Variants in GMDS observed in about 807,000 individuals in gnomAD.
GMDS encodes GDP-mannose 4,6-dehydratase.
In GMDS, 20 loss-of-function variants were observed where a neutral mutation model predicts 49.9. That is an observed-to-expected ratio of 0.40 (90% CI 0.28 to 0.58). GMDS has a LOEUF of 0.58. Among genes scored for constraint, GMDS ranks in the 20% least tolerant of loss-of-function variants. The pLI is 0.42. For synonymous variants in GMDS, 177 were observed against 178.6 expected (o/e 0.99, Z 0.07); for missense variants, 362 against 481.4 (o/e 0.75, Z 2.32).
At chr6:1,801,096 G>A (rs909948179) in intron 7 of GMDS, among the ~76,000 whole-genome samples, 1 of 152,158 alleles carries the variant, frequency 6.6e-6, no homozygotes, top group Non-Finnish European at 1.5e-5. Context: ...CCTGGAGCCC[G>A]GACCATGAGG....
intron 4 of GMDS, among the ~76,000 whole-genome samples, chr6:2,055,642 A>G (rs923677123): frequency 7.9e-5 from 12 of 151,906 alleles, no homozygotes; most frequent in Non-Finnish European, 1.0e-4. Flanking sequence ...ACTAAATTGG[A>G]CTCCCCTTGG....
chr6:1,922,804 C>T (rs192730307), intron 7 of GMDS, among the ~76,000 whole-genome samples: 80 of 152,276 alleles, frequency 5.3e-4, no homozygotes, highest in Non-Finnish European at 6.3e-4. Context: ...AGCTAGCTCC[C>T]GTCTCTGCTG....
At chr6:1,646,613 G>A (rs1435308773) in intron 9 of GMDS, among the ~76,000 whole-genome samples, 1 of 151,886 alleles carries the variant, frequency 6.6e-6, no homozygotes, top group Non-Finnish European at 1.5e-5. Context: ...CAAACTCCTG[G>A]GCTCAAGCAA....
intron 7 of GMDS, among the ~76,000 whole-genome samples, chr6:1,776,272 A>C (rs527534217): frequency 3.3e-5 from 5 of 152,386 alleles, no homozygotes; most frequent in African/African-American, 1.2e-4. Flanking sequence ...TCTTTGAACA[A>C]ACGATGCAAA....
chr6:1,629,558 C>A (rs987088575), intron 9 of GMDS, among the ~76,000 whole-genome samples: 1 of 152,108 alleles, frequency 6.6e-6, no homozygotes, highest in African/African-American at 2.4e-5. Context: ...AGGAGCAGGC[C>A]CTGCACCATG....
At chr6:1,659,686 G>C (rs897462477) in intron 9 of GMDS, among the ~76,000 whole-genome samples, 2 of 152,094 alleles carry the variant, frequency 1.3e-5, no homozygotes, top group Non-Finnish European at 2.9e-5. Context: ...CCCATATAGT[G>C]AATCTGTTTC....
chr6:2,057,350 A>C (rs534148368), intron 4 of GMDS, among the ~76,000 whole-genome samples: 2 of 152,328 alleles, frequency 1.3e-5, no homozygotes, highest in South Asian at 4.1e-4. Context: ...TAAATGAATG[A>C]ACAAATTCTT....
chr6:2,181,088 T>C (rs559865944), intron 1 of GMDS, among the ~76,000 whole-genome samples: 5 of 144,240 alleles, frequency 3.5e-5, no homozygotes, highest in Non-Finnish European at 7.4e-5. Flanking sequence ...GGCAGGAGAA[T>C]GGCATGAACC....
intron 4 of GMDS, among the ~76,000 whole-genome samples, chr6:2,114,977 A>C (rs967206896): frequency 3.3e-5 from 5 of 152,174 alleles, no homozygotes; most frequent in African/African-American, 1.2e-4. Context: ...ACAAACAAAA[A>C]AAAACCTCAT....
At chr6:1,768,512 C>T (rs1044630375) in intron 7 of GMDS, among the ~76,000 whole-genome samples, 10 of 152,316 alleles carry the variant, frequency 6.6e-5, no homozygotes, top group African/African-American at 1.9e-4. Context: ...GGAGGTACTA[C>T]GTTTACTCAT....
At chr6:1,966,387 C>T (rs200577554) in intron 4 of GMDS, among the ~76,000 whole-genome samples, 1 of 133,788 alleles carries the variant, frequency 7.5e-6, no homozygotes, top group Non-Finnish European at 1.6e-5. Flanking sequence ...AAAAAAAAAA[C>T]CAAGCCTACA....
intron 8 of GMDS, 88 bp from the exon 9 acceptor site, chr6:1,726,600 C>A: frequency 1.1e-6 from 1 of 925,918 alleles, no homozygotes; most frequent in Non-Finnish European, 1.8e-6. Context: ...CCAGCCCTCT[C>A]CCCGCAGGAG....
At chr6:2,196,974 C>T (rs1279540613) in intron 1 of GMDS, among the ~76,000 whole-genome samples, 1 of 152,086 alleles carries the variant, frequency 6.6e-6, no homozygotes, top group Non-Finnish European at 1.5e-5. Context: ...TGTCAAAAAG[C>T]CAGTGAAAAT....
At chr6:2,067,192 A>C (rs907028845) in intron 4 of GMDS, among the ~76,000 whole-genome samples, 2 of 152,002 alleles carry the variant, frequency 1.3e-5, no homozygotes, top group African/African-American at 4.8e-5. Context: ...TGAAGGCAGA[A>C]ATAAAGATGT....
intron 1 of GMDS, among the ~76,000 whole-genome samples, chr6:2,203,925 T>G (rs1779668423): frequency 6.6e-6 from 1 of 152,232 alleles, no homozygotes; most frequent in Non-Finnish European, 1.5e-5. Flanking sequence ...CATCAGCATT[T>G]AACGTTTTCC....
intron 6 of GMDS, 117 bp from the exon 7 acceptor site, chr6:1,930,347 C>G (rs1218266146): frequency 1.4e-6 from 1 of 696,806 alleles, no homozygotes; most frequent in African/African-American, 1.8e-5. Flanking sequence ...CTCCCAGCCA[C>G]CCTGTTAAAA....
At chr6:2,053,215 T>C (rs776919387) in intron 4 of GMDS, among the ~76,000 whole-genome samples, 2 of 152,200 alleles carry the variant, frequency 1.3e-5, no homozygotes, top group Non-Finnish European at 2.9e-5. Flanking sequence ...ATAGGCCTTA[T>C]ATAAAATGTA....
In GMDS at chr6:1,698,356, A is replaced by G. The variant is rs138911143; in HGVS notation, c.987+28060T>C. 3.0e-3 allele frequency among the ~76,000 whole-genome samples: 461 copies of G among 152,314 alleles called. 4 individuals are homozygous for G. Among genetic ancestry groups the G allele is most frequent in the Non-Finnish European group, 5.4e-3 (369 of 68,026 alleles). On this transcript the variant is annotated intron_variant, in intron 9 of 10. Coordinates refer to ENST00000380815, the MANE Select transcript of GMDS (RefSeq NM_001500.4). Reference sequence around the variant, plus strand: ...TTGGAACCAAGATCTTTTAAACGCAAACCTGGTTTCCCTGAACTGTCCTCC... The same window carrying G: ...TTGGAACCAAGATCTTTTAAACGCAGACCTGGTTTCCCTGAACTGTCCTCC...
intron 1 of GMDS, among the ~76,000 whole-genome samples, chr6:2,167,777 A>T (rs1777740958): frequency 6.6e-6 from 1 of 152,074 alleles, no homozygotes; most frequent in Non-Finnish European, 1.5e-5. Flanking sequence ...CCTTGCTCCC[A>T]TCACAAGTTA....
Sources: gnomAD v4.1 joint callset for allele counts (sites outside exome capture counted in the v4.1 genomes callset) on GRCh38, gnomAD v4.1.1 for gene constraint, MANE v1.5 for transcripts, NCBI Gene and HGNC (gene_info 2026-07-23, HGNC 2026-07-21) for gene names.